The following CDH9 variants were observed in gnomAD, a reference collection of about 807,000 sequenced individuals.
The protein encoded by CDH9 is cadherin-9.
Under a neutral mutation model 70.9 loss-of-function variants are expected in CDH9, and 28 were observed. The ratio of observed to expected loss-of-function variants is 0.40; its 90% CI spans 0.29 to 0.54. The LOEUF (loss-of-function observed/expected upper bound fraction) is 0.54. Ranked by LOEUF, CDH9 falls within the 20% of genes least tolerant of loss-of-function variation. CDH9 has a pLI of 0.59. For missense variants in CDH9, 874 were observed against 984.4 expected (o/e 0.89, Z 1.50); for synonymous variants, 409 against 343.1 (o/e 1.19, Z -2.12).
intron 2 of CDH9, among the ~76,000 whole-genome samples, chr5:26,922,950 G>C (rs1366136381): frequency 1.3e-5 from 2 of 150,846 alleles, no homozygotes; most frequent in Non-Finnish European, 3.0e-5. Context: ...AAAGAAAGGA[G>C]TGAAGGAAGA....
At chr5:26,980,860 T>A (rs1178060570) in intron 2 of CDH9, among the ~76,000 whole-genome samples, 1 of 152,058 alleles carries the variant, frequency 6.6e-6, no homozygotes, top group African/African-American at 2.4e-5. Context: ...ATAGAGAAAT[T>A]CTTTAAGATA....
chr5:27,031,265 A>G (rs372913334), intron 1 of CDH9, among the ~76,000 whole-genome samples: 1 of 151,882 alleles, frequency 6.6e-6, no homozygotes, highest in South Asian at 2.1e-4. Flanking sequence ...GACTATACAT[A>G]GAATTCTAAA....
At chr5:26,884,085 T>A (rs1476739929) in intron 11 of CDH9, among the ~76,000 whole-genome samples, 1 of 152,082 alleles carries the variant, frequency 6.6e-6, no homozygotes, top group Non-Finnish European at 1.5e-5. Flanking sequence ...TAATAAAAAA[T>A]TACTCCACAT....
chr5:27,017,093 T>TTTG (rs1424642464), intron 1 of CDH9, among the ~76,000 whole-genome samples: 1 of 151,910 alleles, frequency 6.6e-6, no homozygotes, highest in Non-Finnish European at 1.5e-5. Context: ...CATTGTTTGT[T>TTTG]TTGTTGTTGT....
At chr5:26,943,043 G>A (rs1741689354) in intron 2 of CDH9, among the ~76,000 whole-genome samples, 2 of 152,286 alleles carry the variant, frequency 1.3e-5, no homozygotes, top group Non-Finnish European at 1.5e-5. Flanking sequence ...CAAATAAGCT[G>A]AGTTCTGTGG....
rs528777812 is a variant in CDH9, at chr5:26,972,459, A to T, written c.228+15647T>A. Among the ~76,000 whole-genome samples, 14 of 152,278 alleles carry T rather than the reference A, an allele frequency of 9.2e-5. No individual in the cohort carries two copies. The East Asian group carries it at 2.3e-3, about 25-fold the overall frequency. On this transcript the variant is annotated intron_variant, in intron 2 of 11. Coordinates refer to ENST00000231021, the MANE Select transcript of CDH9 (RefSeq NM_016279.4). ...GCTGAGTTCCAGGAAACCCATGTAT[A>T]TCAAAATCTGAGAATACTCACGTTC...
intron 8 of CDH9, 132 bp downstream of exon 8, chr5:26,890,296 A>T: frequency 1.4e-6 from 1 of 715,662 alleles, no homozygotes; most frequent in Non-Finnish European, 2.4e-6. Flanking sequence ...ATGTGTTGAT[A>T]TTCTAAGCCA....
intron 1 of CDH9, among the ~76,000 whole-genome samples, chr5:27,019,260 A>G (rs1439773154): frequency 1.3e-5 from 2 of 152,054 alleles, no homozygotes; most frequent in Non-Finnish European, 2.9e-5. Flanking sequence ...AGACTATAGC[A>G]ATGGAGATGC....
At chr5:26,897,835 T>A (rs6879142) in intron 7 of CDH9, among the ~76,000 whole-genome samples, 41,502 of 151,870 alleles carry the variant, frequency 0.27, 6,134 homozygotes, top group East Asian at 0.59. Flanking sequence ...CAATCAGGCA[T>A]GAGAAAGAAA....
intron 3 of CDH9, among the ~76,000 whole-genome samples, chr5:26,910,856 C>G (rs1741040786): frequency 1.3e-5 from 2 of 152,158 alleles, no homozygotes; most frequent in Admixed American, 1.3e-4. Flanking sequence ...ATGACAGCCA[C>G]TAATTTGAGG....
intron 7 of CDH9, among the ~76,000 whole-genome samples, chr5:26,899,870 T>A (rs1469921596): frequency 1.2e-4 from 17 of 142,026 alleles, no homozygotes; most frequent in African/African-American, 3.1e-4. Context: ...AAGTATAATT[T>A]AAAAAAAAAA....
At chr5:26,927,180 A>C (rs1293673513) in intron 2 of CDH9, among the ~76,000 whole-genome samples, 1 of 152,072 alleles carries the variant, frequency 6.6e-6, no homozygotes, top group Non-Finnish European at 1.5e-5. Flanking sequence ...GATGTTGAAA[A>C]GGCATTTAAT....
chr5:26,996,976 T>G (rs1742676922), intron 1 of CDH9, among the ~76,000 whole-genome samples: 1 of 151,954 alleles, frequency 6.6e-6, no homozygotes, highest in Admixed American at 6.6e-5. Context: ...CCATCAAATG[T>G]CCAGCTTAAA....
At chr5:26,981,534 A>AG (rs1742399210) in intron 2 of CDH9, among the ~76,000 whole-genome samples, 1 of 152,128 alleles carries the variant, frequency 6.6e-6, no homozygotes, top group East Asian at 1.9e-4. Context: ...ACATATATGG[A>AG]GAGCCAACTG....
chr5:26,948,754 T>C (rs964515158), intron 2 of CDH9, among the ~76,000 whole-genome samples: 2 of 152,198 alleles, frequency 1.3e-5, no homozygotes, highest in African/African-American at 2.4e-5. Context: ...TGTTAATCAA[T>C]AGGCAATTGA....
At chr5:26,962,776 G>GTA (rs2112062887) in intron 2 of CDH9, among the ~76,000 whole-genome samples, 1 of 152,038 alleles carries the variant, frequency 6.6e-6, no homozygotes, top group African/African-American at 2.4e-5. Flanking sequence ...AAGTTCTAGA[G>GTA]TACATGTGTT....
chr5:26,913,932 A>C (rs536488778), intron 3 of CDH9, among the ~76,000 whole-genome samples: 49 of 152,160 alleles, frequency 3.2e-4, no homozygotes, highest in African/African-American at 1.2e-3. Flanking sequence ...ATAATAGTCC[A>C]TTAAGTATCA....
At chr5:26,952,634 CA>C (rs35876875) in intron 2 of CDH9, among the ~76,000 whole-genome samples, 41 of 57,842 alleles carry the variant, frequency 7.1e-4, no homozygotes, top group African/African-American at 2.5e-3. Flanking sequence ...GACTCCGTCT[CA>C]AAAAAAAAAA....
chr5:26,959,632 A>G (rs1742000969), intron 2 of CDH9, among the ~76,000 whole-genome samples: 1 of 152,144 alleles, frequency 6.6e-6, no homozygotes, highest in African/African-American at 2.4e-5. Flanking sequence ...GCTGAACAAA[A>G]TGCAATGTAT....
Sources: gnomAD v4.1 joint callset for allele counts (sites outside exome capture counted in the v4.1 genomes callset) on GRCh38, gnomAD v4.1.1 for gene constraint, MANE v1.5 for transcripts, NCBI Gene and HGNC (gene_info 2026-07-23, HGNC 2026-07-21) for gene names.